The following NAALADL2 variants were observed in gnomAD, a reference collection of about 807,000 sequenced individuals.
NAALADL2 encodes the protein N-acetylated alpha-linked acidic dipeptidase like 2, also known as inactive N-acetylated-alpha-linked acidic dipeptidase-like protein 2.
In NAALADL2, 76 loss-of-function variants were observed where a neutral mutation model predicts 87.2. The ratio of observed to expected loss-of-function variants is 0.87; its 90% confidence interval spans 0.72 to 1.05. The LOEUF is 1.05. NAALADL2 is among the 50% of genes least tolerant of loss of function. The pLI is 0.00. For synonymous variants in NAALADL2, 354 were observed against 331.0 expected, an observed-to-expected ratio of 1.07 and a Z score of -0.75; for missense variants, 1,089 against 945.8, an observed-to-expected ratio of 1.15 and a Z score of -1.99.
At chr3:174,998,653 C>T (rs1056713336) in intron 1 of NAALADL2, among the ~76,000 whole-genome samples, 3 of 152,142 alleles carry the variant, frequency 2.0e-5, no homozygotes, top group Admixed American at 2.0e-4. Flanking sequence ...TGGAAGTAAT[C>T]TGCATGTTGA....
chr3:175,270,741 C>A (rs1195397543), intron 4 of NAALADL2, among the ~76,000 whole-genome samples: 2 of 152,112 alleles, frequency 1.3e-5, no homozygotes, highest in Admixed American at 6.5e-5. Context: ...ATGTGGAATA[C>A]TGTAATGACT....
chr3:175,078,736 A>T (rs1003532037), intron 1 of NAALADL2, among the ~76,000 whole-genome samples: 1 of 152,222 alleles, frequency 6.6e-6, no homozygotes, highest in Non-Finnish European at 1.5e-5. Flanking sequence ...TGTTTTTGAG[A>T]TTCATCCATT....
At chr3:175,524,498 T>C (rs1417005275) in intron 9 of NAALADL2, among the ~76,000 whole-genome samples, 1 of 152,186 alleles carries the variant, frequency 6.6e-6, no homozygotes, top group Non-Finnish European at 1.5e-5. Flanking sequence ...ATCCTGTGGT[T>C]CATAGGACTT....
At chr3:174,968,164 G>A (rs574725283) in intron 1 of NAALADL2, among the ~76,000 whole-genome samples, 1 of 152,134 alleles carries the variant, frequency 6.6e-6, no homozygotes, top group South Asian at 2.1e-4. Context: ...CTTACTTTGG[G>A]TATGTTATTC....
At chr3:175,203,609 C>CT (rs1740392154) in intron 2 of NAALADL2, among the ~76,000 whole-genome samples, 1 of 117,192 alleles carries the variant, frequency 8.5e-6, no homozygotes, top group Admixed American at 9.1e-5. Context: ...CGCAAGTCTC[C>CT]TCATGCTGCT....
At chr3:174,703,766 A>G (rs1312526158) in intron 2 of NAALADL2, among the ~76,000 whole-genome samples, 1 of 152,192 alleles carries the variant, frequency 6.6e-6, no homozygotes, top group East Asian at 1.9e-4. Context: ...GTTTCCCACG[A>G]AAATATTTAT....
intron 2 of NAALADL2, chr3:174,632,084 T>G (rs774683663): frequency 6.6e-6 from 1 of 152,180 alleles, no homozygotes; most frequent in Non-Finnish European, 1.5e-5. Flanking sequence ...TAGACAACCT[T>G]TGGTTGGGGT....
intron 9 of NAALADL2, among the ~76,000 whole-genome samples, chr3:175,535,295 A>T (rs1403863383): frequency 6.6e-6 from 1 of 152,182 alleles, no homozygotes; most frequent in Non-Finnish European, 1.5e-5. Flanking sequence ...TGAGGAATGT[A>T]TTTTTGGAAA....
At chr3:175,619,266 A>AGGAAG in intron 10 of NAALADL2, among the ~76,000 whole-genome samples, 1 of 87,590 alleles carries the variant, frequency 1.1e-5, no homozygotes, top group South Asian at 4.3e-4. Flanking sequence ...GAAGGAAGGA[A>AGGAAG]GGAGAAGGAA....
chr3:175,013,038 A>G lies in NAALADL2; in HGVS notation c.44-83752A>G, dbSNP rs1208752756. Among the ~76,000 whole-genome samples, 23 of 73,406 alleles carry G rather than the reference A, an allele frequency of 3.1e-4. 1 individual carries two copies. The highest frequency in any genetic ancestry group is 8.8e-4 in the African/African-American group (23 of 26,190). The allele number at this position is 73,406 out of a possible 152,430, so 48.2% of individuals were successfully genotyped here. A position where few individuals can be genotyped will look rare whatever the true frequency, so the allele number is the denominator to read the frequency against. On this transcript the variant is annotated intron_variant, in intron 1 of 13. Coordinates refer to ENST00000454872, the MANE Select transcript of NAALADL2 (RefSeq NM_207015.3). ...ATAATATATAAATATATATAAATATATAATATATACATAAATATATACACA... is the reference window on the plus strand; with the variant it reads ...ATAATATATAAATATATATAAATATGTAATATATACATAAATATATACACA...
chr3:175,276,957 A>C (rs1367586412), intron 4 of NAALADL2, among the ~76,000 whole-genome samples: 1 of 152,146 alleles, frequency 6.6e-6, no homozygotes, highest in Admixed American at 6.5e-5. Flanking sequence ...TCTAGTCAAG[A>C]GATGTTGTCA....
At chr3:174,723,531 G>A (rs1474341157) in intron 2 of NAALADL2, among the ~76,000 whole-genome samples, 1 of 151,944 alleles carries the variant, frequency 6.6e-6, no homozygotes, top group African/African-American at 2.4e-5. Context: ...CGAGATGGGC[G>A]GATCACAAGG....
intron 2 of NAALADL2, among the ~76,000 whole-genome samples, chr3:174,683,204 A>T (rs970809734): frequency 6.6e-6 from 1 of 152,192 alleles, no homozygotes. Context: ...GAAAATACAA[A>T]GTCAGAGGAG....
intron 2 of NAALADL2, among the ~76,000 whole-genome samples, chr3:174,684,768 A>G (rs1289866789): frequency 6.6e-6 from 1 of 152,136 alleles, no homozygotes. Context: ...CAAAATGATT[A>G]CAAAACTGTG....
In NAALADL2 at chr3:174,638,664, TGA is replaced by T. The variant is rs533295066; in HGVS notation, c.-115+88032_-115+88033del. On this transcript the variant is annotated intron_variant, in intron 2 of 3. Coordinates refer to the NAALADL2 transcript ENST00000434257. ...AATTAAGAAGACTAAGATTTTCAGA[TGA>T]GAGACATAATAAAGGCAACTATAAA... is the stretch of plus-strand genomic sequence containing the variant. 3.5e-3 allele frequency among the ~76,000 whole-genome samples: 527 copies of T among 152,204 alleles called. 3 individuals carry two copies. Among genetic ancestry groups the T allele is most frequent in the Admixed American group, 0.03 (463 of 15,294 alleles).
chr3:174,479,568 G>C (rs532754398), intron 1 of NAALADL2, among the ~76,000 whole-genome samples: 3 of 152,046 alleles, frequency 2.0e-5, no homozygotes, highest in African/African-American at 7.2e-5. Context: ...GCAGGTTGGG[G>C]ATAAGGATGG....
At chr3:175,654,676 G>T (rs1731208393) in intron 11 of NAALADL2, among the ~76,000 whole-genome samples, 1 of 152,160 alleles carries the variant, frequency 6.6e-6, no homozygotes, top group South Asian at 2.1e-4. Flanking sequence ...TGGCTTCACA[G>T]ATTTCTTTTC....
intron 11 of NAALADL2, among the ~76,000 whole-genome samples, chr3:175,723,658 C>A (rs983810304): frequency 2.0e-5 from 3 of 151,972 alleles, no homozygotes; most frequent in African/African-American, 7.2e-5. Flanking sequence ...CAAGACATTC[C>A]AATATAAATA....
intron 3 of NAALADL2, among the ~76,000 whole-genome samples, chr3:174,822,487 TA>T (rs1385173432): frequency 2.0e-5 from 3 of 152,158 alleles, no homozygotes; most frequent in Non-Finnish European, 4.4e-5. Flanking sequence ...CAGACATTGG[TA>T]ATTTCTGCCC....
Sources: allele counts gnomAD v4.1 joint callset (sites outside exome capture counted in the v4.1 genomes callset), GRCh38; gene constraint gnomAD v4.1.1; transcripts MANE v1.5; gene names NCBI Gene and HGNC (gene_info 2026-07-23, HGNC 2026-07-21).